DCLK1: variants seen among roughly 807,000 people sequenced by gnomAD.
DCLK1 encodes the protein doublecortin like kinase 1.
DCLK1 carries 16 observed loss-of-function variants against 86.2 expected under a neutral mutation model. The ratio of observed to expected loss-of-function variants is 0.19; its 90% CI spans 0.13 to 0.28. The LOEUF (loss-of-function observed/expected upper bound fraction) is 0.28, where lower values mean the gene tolerates loss of function less well. Among genes scored for constraint, DCLK1 ranks in the 10% least tolerant of loss-of-function variants. DCLK1 has a pLI of 1.00. For missense variants in DCLK1, 590 were observed against 940.2 expected (o/e 0.63, Z 4.87); for synonymous variants, 369 against 370.5 (o/e 1.00, Z 0.05).
chr13:35,974,396 G>A (rs1263996594), intron 3 of DCLK1, among the ~76,000 whole-genome samples: 3 of 152,188 alleles, frequency 2.0e-5, no homozygotes, highest in African/African-American at 7.2e-5. Context: ...CACAAGGGGA[G>A]GGTGTCCCAC....
intron 3 of DCLK1, among the ~76,000 whole-genome samples, chr13:36,095,962 A>G (rs1181327809): frequency 6.6e-6 from 1 of 151,858 alleles, no homozygotes; most frequent in Non-Finnish European, 1.5e-5. Flanking sequence ...TAAACAAACT[A>G]AATCACTATT....
chr13:35,824,219 C>A (rs1316546606), intron 10 of DCLK1, among the ~76,000 whole-genome samples: 1 of 152,172 alleles, frequency 6.6e-6, no homozygotes. Flanking sequence ...CTTTGTCACC[C>A]AGGCTGGAGT....
At chr13:35,988,901 C>T (rs1390168720) in intron 3 of DCLK1, among the ~76,000 whole-genome samples, 2 of 152,090 alleles carry the variant, frequency 1.3e-5, no homozygotes, top group Non-Finnish European at 2.9e-5. Context: ...TCTTTGCGGC[C>T]GCCCAAAACA....
At chr13:36,124,787 T>A (rs2138217959) in intron 2 of DCLK1, among the ~76,000 whole-genome samples, 1 of 152,290 alleles carries the variant, frequency 6.6e-6, no homozygotes, top group Admixed American at 6.5e-5. Context: ...TTTCCCAGAT[T>A]CTTTTGTGCC....
intron 2 of DCLK1, among the ~76,000 whole-genome samples, chr13:36,119,217 G>A (rs1040484079): frequency 6.6e-6 from 1 of 152,166 alleles, no homozygotes; most frequent in African/African-American, 2.4e-5. Context: ...GAGTGCAGAA[G>A]AAAGATCTGA....
In DCLK1 at chr13:35,915,472, AGGAG is replaced by A. The variant is rs554313035; in HGVS notation, c.823+31882_823+31885del. On this transcript the variant is annotated intron_variant, in intron 4 of 16. Coordinates refer to ENST00000360631, the MANE Select transcript of DCLK1 (RefSeq NM_001330071.2). The stretch of plus-strand genomic sequence containing the variant: ...TCCCAGCACTTTGGGAGACCAAGGC[AGGAG>A]GATCGCTTGAGCTCAGGAGTTGGAG... Among the ~76,000 whole-genome samples the A allele has an allele frequency of 2.6e-5, 4 of 152,286 alleles. No individual in the cohort carries two copies. In the South Asian group the frequency reaches 8.3e-4, roughly 32 times the overall value.
chr13:35,982,429 AGAGGGGGAGGGAGG>A (rs1185349628), intron 3 of DCLK1, among the ~76,000 whole-genome samples: 26 of 32,226 alleles, frequency 8.1e-4, no homozygotes, highest in African/African-American at 2.2e-3. Context: ...AGAGAGAGAG[AGAGGGGGAGGGAGG>A]GAGGGAGGGA....
intron 4 of DCLK1, among the ~76,000 whole-genome samples, chr13:35,877,455 T>C (rs1365754235): frequency 6.6e-6 from 1 of 152,232 alleles, no homozygotes; most frequent in Non-Finnish European, 1.5e-5. Context: ...CAAAGGGGCC[T>C]ACTTAGACCT....
chr13:35,891,437 T>C (rs1380426166), intron 4 of DCLK1, among the ~76,000 whole-genome samples: 1 of 152,228 alleles, frequency 6.6e-6, no homozygotes, highest in Non-Finnish European at 1.5e-5. Flanking sequence ...TCTAGGTTTA[T>C]AAATATAGGA....
chr13:35,927,711 T>C (rs557349431), intron 4 of DCLK1, among the ~76,000 whole-genome samples: 2 of 152,324 alleles, frequency 1.3e-5, no homozygotes, highest in South Asian at 4.1e-4. Context: ...TTTATGCTAA[T>C]GAGATGACTC....
intron 2 of DCLK1, among the ~76,000 whole-genome samples, chr13:36,124,234 A>G (rs912663652): frequency 2.6e-5 from 4 of 152,244 alleles, no homozygotes; most frequent in Non-Finnish European, 5.9e-5. Flanking sequence ...GTTTCATTTA[A>G]CCTTGGATTT....
intron 4 of DCLK1, among the ~76,000 whole-genome samples, chr13:35,911,093 C>T (rs992356358): frequency 1.4e-5 from 2 of 141,446 alleles, no homozygotes; most frequent in African/African-American, 2.6e-5. Flanking sequence ...ACCATCCTGG[C>T]TAACACGGTG....
intron 3 of DCLK1, among the ~76,000 whole-genome samples, chr13:36,015,733 C>G (rs1881514564): frequency 1.3e-5 from 2 of 152,206 alleles, no homozygotes; most frequent in South Asian, 2.1e-4. Context: ...ACCACCCACA[C>G]CTGCCAACCA....
chr13:35,945,430 A>G (rs1427647566), intron 4 of DCLK1, among the ~76,000 whole-genome samples: 3 of 152,136 alleles, frequency 2.0e-5, no homozygotes, highest in Non-Finnish European at 4.4e-5. Context: ...AGCAGGGAGA[A>G]GGGGCCCCAA....
At chr13:35,850,773 G>A (rs770988171) in intron 6 of DCLK1, 18 of 1,593,796 alleles carry the variant, frequency 1.1e-5, no homozygotes, top group Non-Finnish European at 1.5e-5. Context: ...GGGCGGTACA[G>A]GTCCTGCAAG....
chr13:36,116,452 C>T (rs910132667), intron 2 of DCLK1, among the ~76,000 whole-genome samples: 4 of 152,280 alleles, frequency 2.6e-5, no homozygotes, highest in Admixed American at 2.6e-4. Context: ...CCCTGGGTGA[C>T]TGGGCCTGCA....
intron 3 of DCLK1, among the ~76,000 whole-genome samples, chr13:36,031,872 G>A (rs1882291560): frequency 6.6e-6 from 1 of 152,196 alleles, no homozygotes; most frequent in African/African-American, 2.4e-5. Context: ...CTCCCACCCA[G>A]ATCCCTGCTA....
intron 3 of DCLK1, among the ~76,000 whole-genome samples, chr13:36,107,423 C>A (rs536694221): frequency 4.1e-5 from 6 of 146,618 alleles, no homozygotes; most frequent in Admixed American, 2.1e-4. Context: ...GACTCACTAG[C>A]AGTGGTAGAT....
intron 3 of DCLK1, among the ~76,000 whole-genome samples, chr13:36,038,433 A>C (rs1882585395): frequency 6.6e-6 from 1 of 152,230 alleles, no homozygotes; most frequent in South Asian, 2.1e-4. Context: ...TTGGTCAGGA[A>C]AGAGAAGTGA....
Sources: allele counts gnomAD v4.1 joint callset (sites outside exome capture counted in the v4.1 genomes callset), GRCh38; gene constraint gnomAD v4.1.1; transcripts MANE v1.5; gene names NCBI Gene and HGNC (gene_info 2026-07-23, HGNC 2026-07-21).